ADCY2: variants seen among roughly 807,000 people sequenced by gnomAD.
The protein encoded by ADCY2 is adenylate cyclase type 2.
In ADCY2, 31 loss-of-function variants were observed where a neutral mutation model predicts 125.2. That is an observed-to-expected ratio of 0.25 (90% CI 0.19 to 0.33). The LOEUF (loss-of-function observed/expected upper bound fraction) is 0.33. Among genes scored for constraint, ADCY2 ranks in the 10% least tolerant of loss-of-function variants. The pLI, the probability that ADCY2 is intolerant of heterozygous loss-of-function variation, is 1.00. For synonymous variants in ADCY2, 512 were observed against 548.4 expected, an observed-to-expected ratio of 0.93 and a Z score of 0.93; for missense variants, 904 against 1,418.2, an observed-to-expected ratio of 0.64 and a Z score of 5.82.
intron 2 of ADCY2, among the ~76,000 whole-genome samples, chr5:7,462,421 C>T (rs946181587): frequency 8.5e-5 from 13 of 152,190 alleles, no homozygotes; most frequent in Non-Finnish European, 1.9e-4. Flanking sequence ...GATTAAATGG[C>T]ATTCCCAATA....
intron 3 of ADCY2, among the ~76,000 whole-genome samples, chr5:7,533,852 G>A (rs991295730): frequency 1.2e-4 from 19 of 152,226 alleles, no homozygotes; most frequent in East Asian, 3.9e-4. Context: ...TGGTATGACC[G>A]TTGCTGCTTA....
intron 4 of ADCY2, among the ~76,000 whole-genome samples, chr5:7,683,872 T>G (rs1194550293): frequency 6.6e-6 from 1 of 152,230 alleles, no homozygotes; most frequent in Admixed American, 6.5e-5. Flanking sequence ...TCCTTCTTCT[T>G]CTTATCTCCT....
At chr5:7,585,949 T>C (rs148679115) in intron 3 of ADCY2, among the ~76,000 whole-genome samples, 1 of 152,366 alleles carries the variant, frequency 6.6e-6, no homozygotes, top group East Asian at 1.9e-4. Flanking sequence ...TCCTTAAATA[T>C]ATACAGTTTC....
At chr5:7,413,367 T>G (rs1410601269) in intron 1 of ADCY2, among the ~76,000 whole-genome samples, 1 of 152,004 alleles carries the variant, frequency 6.6e-6, no homozygotes, top group Non-Finnish European at 1.5e-5. Flanking sequence ...CGCTCACGGC[T>G]CACTGCAAGC....
chr5:7,472,087 A>T (rs1742360943), intron 2 of ADCY2, among the ~76,000 whole-genome samples: 1 of 152,094 alleles, frequency 6.6e-6, no homozygotes, highest in African/African-American at 2.4e-5. Flanking sequence ...TTACGGCTTG[A>T]CATATTTCAT....
intron 16 of ADCY2, among the ~76,000 whole-genome samples, chr5:7,764,996 G>A (rs1743336818): frequency 6.6e-6 from 1 of 152,190 alleles, no homozygotes. Context: ...AGACATAGCA[G>A]AAGTGGGTTA....
intron 2 of ADCY2, among the ~76,000 whole-genome samples, chr5:7,502,840 C>G (rs1437863634): frequency 1.3e-5 from 2 of 152,144 alleles, no homozygotes; most frequent in East Asian, 3.9e-4. Context: ...AGAGCAAAAT[C>G]GTTTCATGTG....
Position 7,582,304 on chromosome 5 carries a change from G to C in ADCY2, c.571-43863G>C, listed in dbSNP as rs567585555. Among the ~76,000 whole-genome samples, 11 of 152,146 alleles carry C rather than the reference G, an allele frequency of 7.2e-5. No homozygotes were observed. The South Asian group carries it at 1.0e-3, about 14-fold the overall frequency. ...TGAAAACAACTGTTAAAATGAAAAA[G>C]AGTAAGAGACAAATCCTCTTAAGAT... On this transcript the variant is annotated intron_variant, in intron 3 of 24. Coordinates refer to ENST00000338316, the MANE Select transcript of ADCY2 (RefSeq NM_020546.3).
At chr5:7,581,819 C>CAAAAAAA (rs59841590) in intron 3 of ADCY2, among the ~76,000 whole-genome samples, 12 of 123,736 alleles carry the variant, frequency 9.7e-5, no homozygotes, top group African/African-American at 1.6e-4. Context: ...GACTCAGTCT[C>CAAAAAAA]AAAAAAAAAA....
chr5:7,702,833 C>T lies in ADCY2; in HGVS notation c.1110-3911C>T, dbSNP rs1247471669. The stretch of plus-strand genomic sequence containing the variant: ...CTTCCACAATGGTTGAACTAGTTTA[C>T]AGTCCCACCAACAGTGTAAAAGTGT... On this transcript the variant is annotated intron_variant, in intron 7 of 24. Transcript: ENST00000338316. 2.6e-5 allele frequency among the ~76,000 whole-genome samples: 4 copies of T among 152,220 alleles called. No individual in the cohort carries two copies. The East Asian group carries it at 5.8e-4, about 22-fold the overall frequency.
chr5:7,540,149 G>A (rs897297244), intron 3 of ADCY2, among the ~76,000 whole-genome samples: 2 of 152,150 alleles, frequency 1.3e-5, no homozygotes, highest in Admixed American at 1.3e-4. Flanking sequence ...TGGACACATA[G>A]AGGGAAACAA....
intron 3 of ADCY2, among the ~76,000 whole-genome samples, chr5:7,538,865 C>CTT (rs373296689): frequency 8.2e-5 from 7 of 85,120 alleles, no homozygotes; most frequent in African/African-American, 2.3e-4. Flanking sequence ...CTTTTCTTTT[C>CTT]TTTTTTTTTT....
chr5:7,807,091 T>G (rs1246121863), intron 22 of ADCY2, among the ~76,000 whole-genome samples: 1 of 152,124 alleles, frequency 6.6e-6, no homozygotes, highest in Non-Finnish European at 1.5e-5. Flanking sequence ...AACAATACTT[T>G]GGCAGGGCCT....
chr5:7,432,420 AG>A (rs1740638213), intron 2 of ADCY2, among the ~76,000 whole-genome samples: 1 of 152,196 alleles, frequency 6.6e-6, no homozygotes, highest in African/African-American at 2.4e-5. Context: ...CTGGGGCTTC[AG>A]GGGTCATGGG....
At chr5:7,448,484 CA>C (rs1463610243) in intron 2 of ADCY2, among the ~76,000 whole-genome samples, 1 of 150,008 alleles carries the variant, frequency 6.7e-6, no homozygotes, top group African/African-American at 2.4e-5. Context: ...TTTTTTTTTT[CA>C]TCAACTTTTA....
At chr5:7,711,460 A>T (rs1018126599) in intron 10 of ADCY2, among the ~76,000 whole-genome samples, 1 of 152,232 alleles carries the variant, frequency 6.6e-6, no homozygotes, top group East Asian at 1.9e-4. Context: ...AATAAGAATC[A>T]TATATAAATA....
chr5:7,692,529 GA>G (rs1740736721), intron 5 of ADCY2, among the ~76,000 whole-genome samples: 1 of 152,316 alleles, frequency 6.6e-6, no homozygotes, highest in Middle Eastern at 3.4e-3. Context: ...AGGTTTGTGA[GA>G]GTTTTGCCTA....
chr5:7,691,930 G>C (rs1345331658), intron 5 of ADCY2: 1 of 155,136 alleles, frequency 6.4e-6, no homozygotes, highest in Middle Eastern at 3.0e-3. Flanking sequence ...AGGAGAAAGA[G>C]AGGGAAGGGG....
At chr5:7,759,774 C>A (rs942183167) in intron 16 of ADCY2, among the ~76,000 whole-genome samples, 2 of 152,166 alleles carry the variant, frequency 1.3e-5, no homozygotes, top group Non-Finnish European at 2.9e-5. Context: ...ACAAGCAATT[C>A]CCTGGGGTAC....
Sources: gnomAD v4.1 joint callset for allele counts (sites outside exome capture counted in the v4.1 genomes callset) on GRCh38, gnomAD v4.1.1 for gene constraint, MANE v1.5 for transcripts, NCBI Gene and HGNC (gene_info 2026-07-23, HGNC 2026-07-21) for gene names.